The following CFAP97 variants were observed in gnomAD, a reference collection of about 807,000 sequenced individuals.
CFAP97 encodes the protein cilia- and flagella-associated protein 97.
Under a neutral mutation model 43.1 loss-of-function variants are expected in CFAP97, and 36 were observed. The observed-to-expected ratio is 0.84, with a 90% CI of 0.64 to 1.10. The LOEUF (loss-of-function observed/expected upper bound fraction) is 1.10. Among genes scored for constraint, CFAP97 ranks in the 50% least tolerant of loss-of-function variants. The pLI is 0.00. For missense variants in CFAP97, 657 were observed against 620.3 expected, an observed-to-expected ratio of 1.06 and a Z score of -0.63; for synonymous variants, 228 against 225.7, an observed-to-expected ratio of 1.01 and a Z score of -0.09.
In CFAP97 at chr4:185,190,174, A is replaced by G; in HGVS notation, c.1023T>C (p.His341=). Residue 341 remains histidine (H), a synonymous_variant, in exon 2 of 5, where the codon CAT becomes CAC. Transcript: ENST00000458385. ...LDHRHKQKVL[H]DTMDLNHLLK... ...AGAGATGATTCAGATCCATTGTGTC[A>G]TGTAAGACTTTCTGTTTATGTCTGT... 1.3e-6 allele frequency: 2 copies of G among 1,592,190 alleles called. No homozygotes were observed. The highest frequency in any genetic ancestry group is 1.7e-6 in the Non-Finnish European group (2 of 1,170,768).
upstream of CFAP97, chr4:185,209,642 C>T (rs972597874): frequency 1.4e-6 from 1 of 711,916 alleles, no homozygotes; most frequent in Non-Finnish European, 1.7e-6. The surrounding 1 kb of genome is among the most constrained non-coding windows in gnomAD (Gnocchi z 5.2). Flanking sequence ...GGCCCGGCAG[C>T]TACGGGCCCA....
upstream of CFAP97, among the ~76,000 whole-genome samples, chr4:185,207,210 C>CTT (rs34373262): frequency 0.03 from 2,339 of 76,836 alleles, 514 homozygotes; most frequent in African/African-American, 0.05. Flanking sequence ...ACCAGTCACA[C>CTT]TTTTTTTTTT....
chr4:185,209,636 C>G (rs371877972), upstream of CFAP97: 6 of 658,480 alleles, frequency 9.1e-6, no homozygotes, highest in South Asian at 6.7e-5. The surrounding 1 kb of genome is among the most constrained non-coding windows in gnomAD (Gnocchi z 5.2). Flanking sequence ...GCGCCCGGCC[C>G]GGCAGCTACG....
Position 185,190,506 on chromosome 4 carries a change from C to G in CFAP97, c.691G>C (p.Glu231Gln). 1 of 1,613,920 alleles carries G rather than the reference C, an allele frequency of 6.2e-7. No homozygotes were observed. The change falls in exon 2 of 5, where the codon GAA becomes CAA. Residue 231 changes from glutamate to glutamine, a missense_variant. Physicochemically the swap from Glu to Gln is conservative, Grantham distance 29. Transcript: ENST00000458385. ...HKYKSGIKST[E>Q]TQPSSTTPKC... is the part of the protein sequence containing the mutation. ...GGTGTAGTACTTGAAGGCTGTGTTT[C>G]TGTCGATTTTATTCCTGATTTATAC...
At chr4:185,195,180 T>TA (rs1442399387) in intron 1 of CFAP97, among the ~76,000 whole-genome samples, 2 of 151,934 alleles carry the variant, frequency 1.3e-5, no homozygotes, top group African/African-American at 4.8e-5. Context: ...TAACACTGAA[T>TA]AAAAAAGCAG....
intron 3 of CFAP97, 46 bp downstream of exon 3, chr4:185,175,740 A>T (rs375060134): frequency 2.2e-5 from 34 of 1,563,962 alleles, no homozygotes; most frequent in Non-Finnish European, 3.0e-5. Context: ...CATACAAATC[A>T]GTGCAAACAC....
rs368666785 is a variant in CFAP97 at position 185,176,006 on chromosome 4, T to A, written c.1100A>T (p.Asp367Val). ...DKKGPQKHHFDQPSVAPGKNY... is the reference protein window; with the variant it reads ...DKKGPQKHHFVQPSVAPGKNY... Reference sequence around the variant, plus strand: ...TTTCCCGGGTGCTACTGAAGGCTGATCAAAGTGATGTTTTTGTGGTCCTTT... The same window carrying A: ...TTTCCCGGGTGCTACTGAAGGCTGAACAAAGTGATGTTTTTGTGGTCCTTT... Residue 367 changes from aspartate to valine, a missense_variant, in exon 3 of 5, where the codon GAT becomes GTT. Physicochemically the swap from Asp to Val is radical, Grantham distance 152. Coordinates refer to ENST00000458385, the MANE Select transcript of CFAP97 (RefSeq NM_020827.3). 2.5e-6 allele frequency: 4 copies of A among 1,610,048 alleles called. No individual in the cohort carries two copies. Among genetic ancestry groups the A allele is most frequent in the Non-Finnish European group, 2.5e-6 (3 of 1,178,250 alleles).
rs1472301107 is a variant in CFAP97 at position 185,203,918 on chromosome 4, AG to A, written c.-38del. ...CTCACCTGAGAGCCGCGGCCACCAC[AG>A]CCCCACGCGCGGCGCTGGCGCACTC... is the stretch of plus-strand genomic sequence containing the variant. On this transcript the variant is annotated 5_prime_UTR_variant, in exon 1 of 5. Coordinates refer to ENST00000458385, the MANE Select transcript of CFAP97 (RefSeq NM_020827.3). The A allele has an allele frequency of 6.6e-6, 1 of 151,440 alleles. No individual in the cohort carries two copies. Among genetic ancestry groups the A allele is most frequent in the East Asian group, 1.9e-4 (1 of 5,142 alleles). 9.4% of individuals were successfully genotyped at this position (151,440 alleles called of 1,614,324 possible).
At chr4:185,198,564 C>A (rs868348962) in intron 1 of CFAP97, among the ~76,000 whole-genome samples, 23 of 152,004 alleles carry the variant, frequency 1.5e-4, no homozygotes, top group African/African-American at 5.3e-4. Context: ...CCGAGATGGG[C>A]AGATCACCTC....
chr4:185,190,818 C>G lies in CFAP97; in HGVS notation c.379G>C (p.Gly127Arg), dbSNP rs753304286. Residue 127 changes from glycine to arginine, a missense_variant, in exon 2 of 5, where the codon GGT becomes CGT. Physicochemically the swap from Gly to Arg is moderately radical, Grantham distance 125. Transcript: ENST00000458385. ...CCATCTGTGTAGTAATCATCTTCAC[C>G]TTCTTTTACAATTTTGGGAATTCTA... Reference protein sequence around the residue: ...PNRIPKIVKEGEDDYYTDGEE... With the variant: ...PNRIPKIVKEREDDYYTDGEE... The G allele has an allele frequency of 1.6e-5, 26 of 1,606,376 alleles. No individual in the cohort carries two copies. Among genetic ancestry groups the G allele is most frequent in the Non-Finnish European group, 2.0e-5 (24 of 1,177,128 alleles).
intron 2 of CFAP97, among the ~76,000 whole-genome samples, chr4:185,177,912 G>T (rs1212088776): frequency 1.3e-5 from 2 of 151,930 alleles, no homozygotes; most frequent in Non-Finnish European, 2.9e-5. Context: ...CTTGGGCAAG[G>T]TCACAAAAAT....
At chr4:185,165,102 T>C (rs1735014938) in intron 3 of CFAP97, among the ~76,000 whole-genome samples, 2 of 152,182 alleles carry the variant, frequency 1.3e-5, no homozygotes, top group South Asian at 4.1e-4. Flanking sequence ...AGAAAAAAGC[T>C]TTTGCTGTTA....
At chr4:185,176,121 T>TTTTTC (rs1735527214) in intron 2 of CFAP97, 70 bp from the exon 3 acceptor site, 7 of 1,258,288 alleles carry the variant, frequency 5.6e-6, no homozygotes, top group South Asian at 3.3e-5. Flanking sequence ...TTTTTTTTTT[T>TTTTTC]TCTCTTTTTA....
chr4:185,171,648 T>C (rs1222360073), intron 3 of CFAP97, among the ~76,000 whole-genome samples: 1 of 152,230 alleles, frequency 6.6e-6, no homozygotes, highest in African/African-American at 2.4e-5. Flanking sequence ...CTCCTTCTGC[T>C]AAGATTGTTC....
At chr4:185,199,366 G>A (rs1736716891) in intron 1 of CFAP97, among the ~76,000 whole-genome samples, 1 of 151,886 alleles carries the variant, frequency 6.6e-6, no homozygotes, top group Admixed American at 6.6e-5. Context: ...GCAAGACTCC[G>A]TCTCAAAAAA....
In CFAP97 at chr4:185,191,003, G is replaced by T; in HGVS notation, c.194C>A (p.Thr65Asn). Residue 65 changes from threonine (T) to asparagine (N), a missense_variant, in exon 2 of 5, where the codon ACT becomes AAT. By Grantham distance (65) the Thr-to-Asn change is moderately conservative. Transcript: ENST00000458385. ...CACGTTTCTTTCATTTCCCTTCTCAGTAAGATAATTTTCTGTTGTTTGCAT... is the reference window on the plus strand; with the variant it reads ...CACGTTTCTTTCATTTCCCTTCTCATTAAGATAATTTTCTGTTGTTTGCAT... ...TGMQTTENYL[T>N]EKGNERNVKF... 6.2e-7 allele frequency: 1 copy of T among 1,613,492 alleles called. No homozygotes were observed. Among genetic ancestry groups the T allele is most frequent in the Non-Finnish European group, 8.5e-7 (1 of 1,179,630 alleles).
Position 185,198,202 on chromosome 4 carries a change from G to A in CFAP97, c.-17+5696C>T, listed in dbSNP as rs529392967. ...TCACGCCTATAATCCCAACACTTCC[G>A]GAGGCTGAAGTGGGCAGATCACTTG... On this transcript the variant is annotated intron_variant, in intron 1 of 4. Coordinates refer to ENST00000458385, the MANE Select transcript of CFAP97 (RefSeq NM_020827.3). Among the ~76,000 whole-genome samples, 11 of 152,136 alleles carry A rather than the reference G, an allele frequency of 7.2e-5. No homozygotes were observed. The South Asian group carries it at 1.5e-3, about 20-fold the overall frequency.
Position 185,191,046 on chromosome 4 carries a change from C to A in CFAP97, c.151G>T (p.Val51Leu), listed in dbSNP as rs769200893. 3.1e-6 allele frequency: 5 copies of A among 1,613,260 alleles called. No individual in the cohort carries two copies. The highest frequency in any genetic ancestry group is 4.2e-6 in the Non-Finnish European group (5 of 1,179,648). Residue 51 changes from valine (V) to leucine (L), a missense_variant, in exon 2 of 5, where the codon GTA becomes TTA. Physicochemically the swap from Val to Leu is conservative, Grantham distance 32. Coordinates refer to ENST00000458385, the MANE Select transcript of CFAP97 (RefSeq NM_020827.3). Reference protein sequence around the residue: ...KERIDKDTKNVNSNTGMQTTE... With the variant: ...KERIDKDTKNLNSNTGMQTTE... ...GTTTGCATTCCAGTGTTCGAATTTA[C>A]ATTTTTTGTATCTTTATCTATTCTT...
At chr4:185,176,506 T>G (rs1735549165) in intron 2 of CFAP97, among the ~76,000 whole-genome samples, 1 of 152,156 alleles carries the variant, frequency 6.6e-6, no homozygotes, top group South Asian at 2.1e-4. Flanking sequence ...TACAACTTTG[T>G]AGAAAAAAAT....
Sources: gnomAD v4.1 joint callset for allele counts (sites outside exome capture counted in the v4.1 genomes callset) on GRCh38, gnomAD v4.1.1 for gene constraint, Gnocchi (gnomAD v3.1) non-coding constraint, MANE v1.5 for transcripts, NCBI Gene and HGNC (gene_info 2026-07-23, HGNC 2026-07-21) for gene names.